ALG12: variants seen among roughly 807,000 people sequenced by gnomAD.
ALG12 encodes ALG12 alpha-1,6-mannosyltransferase.
In ALG12, 36 loss-of-function variants were observed where a neutral mutation model predicts 46.0. The ratio of observed to expected loss-of-function variants is 0.78; its 90% CI spans 0.60 to 1.03. The LOEUF (loss-of-function observed/expected upper bound fraction) is 1.03, where lower values mean the gene tolerates loss of function less well. Among genes scored for constraint, ALG12 ranks in the 50% least tolerant of loss-of-function variants. ALG12 has a pLI of 0.00. For missense variants in ALG12, 599 were observed against 633.5 expected (o/e 0.95, Z 0.58); for synonymous variants, 326 against 291.6 (o/e 1.12, Z -1.20).
chr22:49,899,426 CGAGA>C (rs2060495229), downstream of ALG12, among the ~76,000 whole-genome samples: 1 of 150,702 alleles, frequency 6.6e-6, no homozygotes, highest in Non-Finnish European at 1.5e-5. Flanking sequence ...TGCAGTGAGC[CGAGA>C]TCGCACCACT....
At chr22:49,886,557 C>T in the ALG12 span, 1 of 1,561,086 alleles carries the variant, frequency 6.4e-7, no homozygotes, top group South Asian at 1.2e-5. This position sits in a 1 kb window ranked among gnomAD's most constrained non-coding sequence, Gnocchi z 7.7. Context: ...ACATCCTCAA[C>T]AGGAAGGTGG....
the ALG12 span, among the ~76,000 whole-genome samples, chr22:49,882,496 T>C: frequency 6.6e-6 from 1 of 152,260 alleles, no homozygotes; most frequent in Non-Finnish European, 1.5e-5. Context: ...GAAAACATGC[T>C]TTTGTTGCTA....
chr22:49,871,360 C>T, the ALG12 span, among the ~76,000 whole-genome samples: 2 of 152,148 alleles, frequency 1.3e-5, no homozygotes, highest in South Asian at 2.1e-4. Context: ...GTGGCACGCA[C>T]CTGTAATCTC....
chr22:49,910,665 C>T, intron 3 of ALG12, 58 bp from the exon 4 acceptor site: 1 of 1,601,960 alleles, frequency 6.2e-7, no homozygotes, highest in Non-Finnish European at 8.5e-7. Context: ...CAGTGGGGCC[C>T]CCTACGTGGG....
the ALG12 span, chr22:49,884,483 G>C: frequency 6.2e-7 from 1 of 1,614,198 alleles, no homozygotes; most frequent in Non-Finnish European, 8.5e-7. Flanking sequence ...GCGGAGAAGA[G>C]CCTTCCACTT....
At chr22:49,873,869 T>C in the ALG12 span, among the ~76,000 whole-genome samples, 4 of 151,960 alleles carry the variant, frequency 2.6e-5, no homozygotes, top group African/African-American at 9.7e-5. Context: ...GCGAGGAGCG[T>C]GGAGGACAAG....
At chr22:49,885,150 C>T in the ALG12 span, 1 of 1,614,112 alleles carries the variant, frequency 6.2e-7, no homozygotes, top group Non-Finnish European at 8.5e-7. Context: ...GCACCAGCTG[C>T]CTGATGAGAC....
the ALG12 span, among the ~76,000 whole-genome samples, chr22:49,869,946 C>T: frequency 6.6e-5 from 10 of 152,152 alleles, no homozygotes; most frequent in Admixed American, 6.6e-4. Flanking sequence ...GGTTGTTTTT[C>T]AGTCTTGTCC....
chr22:49,878,592 T>C, the ALG12 span, among the ~76,000 whole-genome samples: 1 of 152,148 alleles, frequency 6.6e-6, no homozygotes, highest in Admixed American at 6.5e-5. Context: ...GATCTAAATA[T>C]AAAACTTAAA....
At chr22:49,886,353 C>T in the ALG12 span, 1 of 1,608,996 alleles carries the variant, frequency 6.2e-7, no homozygotes, top group Non-Finnish European at 8.5e-7. This position sits in a 1 kb window ranked among gnomAD's most constrained non-coding sequence, Gnocchi z 7.7. Context: ...CTTCCTTCCA[C>T]ATGCTCGAGC....
chr22:49,885,230 C>G, the ALG12 span: 1 of 1,611,916 alleles, frequency 6.2e-7, no homozygotes, highest in Middle Eastern at 1.7e-4. Flanking sequence ...CTGGCAAACT[C>G]TCCGTATGCC....
chr22:49,915,840 G>A (rs1171810277), intron 1 of ALG12, among the ~76,000 whole-genome samples: 1 of 152,234 alleles, frequency 6.6e-6, no homozygotes, highest in African/African-American at 2.4e-5. Context: ...GGCAGGGCTT[G>A]CTTGGTGGAC....
the ALG12 span, among the ~76,000 whole-genome samples, chr22:49,874,388 A>ATT: frequency 1.7e-4 from 25 of 143,182 alleles, no homozygotes; most frequent in Admixed American, 4.9e-4. Flanking sequence ...TATTGTTTTA[A>ATT]TTTTTTTTTT....
chr22:49,896,393 G>A (rs2060483662), downstream of ALG12, among the ~76,000 whole-genome samples: 1 of 152,216 alleles, frequency 6.6e-6, no homozygotes, highest in African/African-American at 2.4e-5. Context: ...TCCTATTGAG[G>A]TGGGTGAGGG....
the ALG12 span, among the ~76,000 whole-genome samples, chr22:49,892,181 C>CT: frequency 1.0e-5 from 1 of 96,016 alleles, no homozygotes; most frequent in African/African-American, 4.9e-5. Flanking sequence ...GAGCAAGACT[C>CT]TGTCTCAAAA....
chr22:49,865,988 G>A, the ALG12 span, among the ~76,000 whole-genome samples: 20 of 151,734 alleles, frequency 1.3e-4, no homozygotes, highest in South Asian at 4.2e-4. Flanking sequence ...GATTATACGC[G>A]TGGGCCACTG....
chr22:49,886,234 G>A, the ALG12 span: 9 of 939,682 alleles, frequency 9.6e-6, no homozygotes, highest in Non-Finnish European at 1.5e-5. The surrounding 1 kb of genome is among the most constrained non-coding windows in gnomAD (Gnocchi z 7.7). Flanking sequence ...GAAGATCTGC[G>A]AGCGGGTGCA....
chr22:49,886,359 C>G, the ALG12 span: 1 of 1,610,188 alleles, frequency 6.2e-7, no homozygotes, highest in East Asian at 2.2e-5. This position sits in a 1 kb window ranked among gnomAD's most constrained non-coding sequence, Gnocchi z 7.7. Context: ...TCCACATGCT[C>G]GAGCGGCTCA....
Position 49,909,350 on chromosome 22 carries a change from G to A in ALG12, c.665-3C>T, listed in dbSNP as rs749281498. The A allele has an allele frequency of 6.2e-7, 1 of 1,614,074 alleles. No homozygotes were observed. The highest frequency in any genetic ancestry group is 1.1e-5 in the South Asian group (1 of 91,082). On this transcript the variant is annotated splice_polypyrimidine_tract_variant and splice_region_variant and intron_variant, in intron 5 of 9. Transcript: ENST00000330817. ...AGAGTCCACAGCAACCGTCAGTCCT[G>A]ACAAAATAAAATAGAGTTTCTTAGT...
Sources: gnomAD v4.1 joint callset for allele counts (sites outside exome capture counted in the v4.1 genomes callset) on GRCh38, gnomAD v4.1.1 for gene constraint, Gnocchi (gnomAD v3.1) non-coding constraint, MANE v1.5 for transcripts, NCBI Gene and HGNC (gene_info 2026-07-23, HGNC 2026-07-21) for gene names.